Variants in SMURF2 observed in about 807,000 individuals in gnomAD.
SMURF2 encodes SMAD specific E3 ubiquitin protein ligase 2.
SMURF2 carries 48 observed loss-of-function variants against 109.6 expected under a neutral mutation model. The ratio of observed to expected loss-of-function variants is 0.44; its 90% CI spans 0.35 to 0.56. The LOEUF is 0.56. Ranked by LOEUF, SMURF2 falls within the 20% of genes least tolerant of loss-of-function variation. The probability of loss-of-function intolerance (pLI) is 0.01; values close to 1 mark genes in which losing one functional copy is unlikely to be tolerated. For synonymous variants in SMURF2, 288 were observed against 317.1 expected, an observed-to-expected ratio of 0.91 and a Z score of 0.97; for missense variants, 575 against 909.0, an observed-to-expected ratio of 0.63 and a Z score of 4.72.
intron 1 of SMURF2, among the ~76,000 whole-genome samples, chr17:64,608,662 C>T (rs909417428): frequency 8.5e-5 from 13 of 152,118 alleles, no homozygotes; most frequent in East Asian, 5.8e-4. Context: ...ATTTCACATC[C>T]GACTTCAGAG....
rs1555687062 is a variant in SMURF2 at position 64,586,165 on chromosome 17, G to A, written c.406C>T (p.Leu136Phe). ...GTGCCTATTCGGTCTCTGGACTGAA[G>A]ACTTACTATTAAATGACAGAAATAT... ...DTVRGQIVVS[L>F]QSRDRIGTGG... Residue 136 changes from leucine to phenylalanine, a missense_variant, in exon 6 of 19, where the codon CTT becomes TTT. Leu to Phe is a conservative substitution (Grantham distance 22, BLOSUM62 0). Around this residue, in one of 5 missense-constraint regions of SMURF2, gnomAD observed 151 missense variants for 178.4 expected, o/e 0.85. Coordinates refer to ENST00000262435, the MANE Select transcript of SMURF2 (RefSeq NM_022739.4). The A allele has an allele frequency of 6.3e-7, 1 of 1,596,434 alleles. No homozygotes were observed. Among genetic ancestry groups the A allele is most frequent in the East Asian group, 2.2e-5 (1 of 44,506 alleles).
intron 2 of SMURF2, among the ~76,000 whole-genome samples, chr17:64,604,592 T>C (rs1205481384): frequency 6.6e-6 from 1 of 152,106 alleles, no homozygotes; most frequent in African/African-American, 2.4e-5. Flanking sequence ...GAGACAAAAC[T>C]GAAGATTTTA....
intron 1 of SMURF2, among the ~76,000 whole-genome samples, chr17:64,648,368 A>T (rs7208408): frequency 0.22 from 33,297 of 152,094 alleles, 7,333 homozygotes; most frequent in African/African-American, 0.57. Context: ...TAACTTAATG[A>T]TGTTGAAATT....
intron 1 of SMURF2, among the ~76,000 whole-genome samples, chr17:64,641,967 T>C (rs1555692595): frequency 6.6e-6 from 1 of 152,164 alleles, no homozygotes; most frequent in East Asian, 1.9e-4. Flanking sequence ...CCGCCATGCC[T>C]GCCTAATTTT....
At chr17:64,568,973 G>T (rs1310891410) in intron 10 of SMURF2, among the ~76,000 whole-genome samples, 1 of 151,532 alleles carries the variant, frequency 6.6e-6, no homozygotes, top group Non-Finnish European at 1.5e-5. Flanking sequence ...CTGCACTCCA[G>T]CCTGGGCAAC....
intron 1 of SMURF2, among the ~76,000 whole-genome samples, chr17:64,651,892 C>A (rs1387721590): frequency 2.6e-5 from 4 of 152,184 alleles, no homozygotes; most frequent in African/African-American, 9.6e-5. Flanking sequence ...GCACTGCAGC[C>A]TGGGTGACAG....
At chr17:64,634,553 T>C (rs1408392484) in intron 1 of SMURF2, among the ~76,000 whole-genome samples, 1 of 152,190 alleles carries the variant, frequency 6.6e-6, no homozygotes, top group African/African-American at 2.4e-5. Flanking sequence ...AAGGAATTGG[T>C]ATCCGCCTCT....
chr17:64,661,816 C>T lies in SMURF2; in HGVS notation c.52+13G>A, dbSNP rs1383135076. 4.9e-6 allele frequency: 6 copies of T among 1,220,590 alleles called. No homozygotes were observed. The Admixed American group carries it at 1.7e-4, about 35-fold the overall frequency. 75.6% of individuals were successfully genotyped at this position (1,220,590 alleles called of 1,614,324 possible). A position where few individuals can be genotyped will look rare whatever the true frequency, so the allele number is the denominator to read the frequency against. ...CCCGCGGCTGCCCAGCCCGGCCCGC[C>T]GCCCCCCCTCACCTGTCAGGCGCAG... On this transcript the variant is annotated intron_variant, in intron 1 of 18. Transcript: ENST00000262435.
intron 1 of SMURF2, among the ~76,000 whole-genome samples, chr17:64,625,154 T>C (rs1212193984): frequency 6.6e-6 from 1 of 152,328 alleles, no homozygotes; most frequent in East Asian, 1.9e-4. Flanking sequence ...CTGGATCCTG[T>C]CTCTCCAAAG....
intron 1 of SMURF2, among the ~76,000 whole-genome samples, chr17:64,608,019 A>C (rs1352780804): frequency 1.3e-5 from 2 of 150,556 alleles, no homozygotes; most frequent in East Asian, 3.9e-4. Context: ...ATAAATAAAT[A>C]AATAAATAAA....
At chr17:64,611,331 C>T (rs782139268) in intron 1 of SMURF2, among the ~76,000 whole-genome samples, 3 of 152,112 alleles carry the variant, frequency 2.0e-5, no homozygotes, top group Non-Finnish European at 4.4e-5. Context: ...TCTCTCTGGT[C>T]TTTACCATTT....
At chr17:64,661,773 C>A in intron 1 of SMURF2, 56 bp downstream of exon 1, 2 of 1,191,914 alleles carry the variant, frequency 1.7e-6, no homozygotes, top group South Asian at 4.2e-5. Context: ...CACAGGCACC[C>A]CCCGCCAGCT....
intron 11 of SMURF2, among the ~76,000 whole-genome samples, chr17:64,562,324 G>A (rs1389923128): frequency 4.5e-5 from 6 of 134,428 alleles, no homozygotes; most frequent in Admixed American, 1.5e-4. Flanking sequence ...GAGAGAGAGA[G>A]AAAAATTAGC....
intron 1 of SMURF2, among the ~76,000 whole-genome samples, chr17:64,630,959 C>T (rs1360263743): frequency 1.3e-5 from 2 of 151,832 alleles, no homozygotes; most frequent in Non-Finnish European, 2.9e-5. Context: ...AGTATCCTCC[C>T]TAAGAGCAGC....
intron 5 of SMURF2, among the ~76,000 whole-genome samples, chr17:64,589,438 T>C (rs1969718415): frequency 6.6e-6 from 1 of 151,344 alleles, no homozygotes. Flanking sequence ...ATGACAGGAA[T>C]TATCAGTAAT....
chr17:64,651,646 C>T (rs1362068834), intron 1 of SMURF2, among the ~76,000 whole-genome samples: 3 of 151,328 alleles, frequency 2.0e-5, no homozygotes, highest in South Asian at 2.1e-4. Flanking sequence ...ACAGGCCAGG[C>T]GCAGCAATGG....
chr17:64,632,454 T>A (rs1363275936), intron 1 of SMURF2, among the ~76,000 whole-genome samples: 9 of 152,324 alleles, frequency 5.9e-5, no homozygotes, highest in Admixed American at 5.9e-4. Flanking sequence ...CCAGGAAATG[T>A]GTGTCTATTA....
chr17:64,583,672 A>G, intron 6 of SMURF2, 128 bp from the exon 7 acceptor site: 1 of 659,086 alleles, frequency 1.5e-6, no homozygotes, highest in Non-Finnish European at 2.7e-6. Flanking sequence ...CACAGAATAT[A>G]TAATTTTTTC....
chr17:64,593,366 T>G, intron 4 of SMURF2, 74 bp downstream of exon 4: 1 of 1,350,266 alleles, frequency 7.4e-7, no homozygotes, highest in Non-Finnish European at 9.8e-7. Flanking sequence ...CATGTATATA[T>G]GTATATGCAC....
Sources: allele counts gnomAD v4.1 joint callset (sites outside exome capture counted in the v4.1 genomes callset), GRCh38; gene constraint gnomAD v4.1.1; regional missense constraint gnomAD v4.1.1; transcripts MANE v1.5; gene names NCBI Gene and HGNC (gene_info 2026-07-23, HGNC 2026-07-21).